The following DYNC1I1 variants were observed in gnomAD, a reference collection of about 807,000 sequenced individuals.
DYNC1I1 encodes cytoplasmic dynein 1 intermediate chain 1.
In DYNC1I1, 43 loss-of-function variants were observed where a neutral mutation model predicts 86.6. The observed-to-expected ratio is 0.50, with a 90% CI of 0.39 to 0.64. DYNC1I1 has a LOEUF of 0.64. DYNC1I1 is among the 30% of genes least tolerant of loss of function. The pLI is 0.00. For missense variants in DYNC1I1, 604 were observed against 788.8 expected (o/e 0.77, Z 2.81); for synonymous variants, 262 against 283.7 (o/e 0.92, Z 0.77).
At chr7:96,043,810 A>G (rs562516386) in intron 14 of DYNC1I1, among the ~76,000 whole-genome samples, 5 of 152,176 alleles carry the variant, frequency 3.3e-5, no homozygotes, top group Admixed American at 2.0e-4. Flanking sequence ...TTCCAGTTCA[A>G]GCAATTCTCC....
At chr7:95,869,848 C>A (rs999880172) in intron 5 of DYNC1I1, 35 bp from the exon 6 acceptor site, 1 of 1,575,506 alleles carries the variant, frequency 6.3e-7, no homozygotes, top group Non-Finnish European at 8.7e-7. Flanking sequence ...AGGAATGCCT[C>A]CCCTCTCTAA....
At chr7:95,989,683 A>G (rs972784209) in intron 9 of DYNC1I1, among the ~76,000 whole-genome samples, 5 of 152,112 alleles carry the variant, frequency 3.3e-5, no homozygotes, top group Non-Finnish European at 7.4e-5. Context: ...TTTGTGTTGG[A>G]GGAAGTGAAG....
chr7:95,933,645 C>T (rs1421900287), intron 6 of DYNC1I1, among the ~76,000 whole-genome samples: 1 of 152,144 alleles, frequency 6.6e-6, no homozygotes, highest in Admixed American at 6.5e-5. Flanking sequence ...TCATGATAGA[C>T]ACACCATTTG....
At chr7:95,924,115 A>T (rs547203697) in intron 6 of DYNC1I1, among the ~76,000 whole-genome samples, 1 of 152,276 alleles carries the variant, frequency 6.6e-6, no homozygotes, top group East Asian at 1.9e-4. Flanking sequence ...CACTGAATGG[A>T]TGATTTACAG....
At chr7:95,908,290 G>A (rs1791229095) in intron 6 of DYNC1I1, among the ~76,000 whole-genome samples, 1 of 152,042 alleles carries the variant, frequency 6.6e-6, no homozygotes, top group Non-Finnish European at 1.5e-5. Flanking sequence ...TTGCAAATGA[G>A]CTATTTTTCC....
intron 6 of DYNC1I1, among the ~76,000 whole-genome samples, chr7:95,882,412 A>G (rs1790478346): frequency 1.3e-5 from 2 of 152,158 alleles, no homozygotes; most frequent in African/African-American, 2.4e-5. Flanking sequence ...AAAGAGATGC[A>G]CCATATTTCT....
chr7:95,788,298 G>A (rs542868379), intron 1 of DYNC1I1, among the ~76,000 whole-genome samples: 10 of 152,264 alleles, frequency 6.6e-5, no homozygotes, highest in African/African-American at 2.2e-4. Flanking sequence ...CAGGGGAGGT[G>A]GTGAAAAGTG....
intron 5 of DYNC1I1, among the ~76,000 whole-genome samples, chr7:95,855,331 T>A (rs2116089902): frequency 6.6e-6 from 1 of 152,308 alleles, no homozygotes; most frequent in South Asian, 2.1e-4. Context: ...TCGAAATCCA[T>A]TATGTGTTAT....
At chr7:96,018,609 A>C (rs533217420) in intron 10 of DYNC1I1, among the ~76,000 whole-genome samples, 1 of 152,310 alleles carries the variant, frequency 6.6e-6, no homozygotes, top group South Asian at 2.1e-4. Flanking sequence ...TAGTGTCTAC[A>C]TGGAGAGTGA....
chr7:96,040,717 T>A (rs1055976491), intron 14 of DYNC1I1, among the ~76,000 whole-genome samples: 1 of 69,442 alleles, frequency 1.4e-5, no homozygotes, highest in Non-Finnish European at 2.9e-5. Flanking sequence ...AAATGAGTAG[T>A]TTTTTTTTTT....
At chr7:95,892,659 C>T (rs552904388) in intron 6 of DYNC1I1, among the ~76,000 whole-genome samples, 55 of 152,174 alleles carry the variant, frequency 3.6e-4, no homozygotes, top group African/African-American at 1.2e-3. Context: ...GTTGGCCAGG[C>T]TGATCTTGAA....
At chr7:96,032,267 C>A (rs927078128) in intron 11 of DYNC1I1, among the ~76,000 whole-genome samples, 1 of 152,136 alleles carries the variant, frequency 6.6e-6, no homozygotes, top group Non-Finnish European at 1.5e-5. Context: ...TTCCAAAAGT[C>A]AGTAGTTCTA....
At chr7:95,872,164 C>A (rs775849127) in intron 6 of DYNC1I1, among the ~76,000 whole-genome samples, 1 of 152,176 alleles carries the variant, frequency 6.6e-6, no homozygotes, top group East Asian at 1.9e-4. Context: ...GAGGTTCTAC[C>A]ATGCGGCAGA....
rs956946455 is a variant in DYNC1I1 at position 95,896,313 on chromosome 7, C to T, written c.490+26315C>T. Among the ~76,000 whole-genome samples, 7 of 152,236 alleles carry T rather than the reference C, an allele frequency of 4.6e-5. No homozygotes were observed. In the South Asian group the frequency reaches 1.5e-3, roughly 32 times the overall value. On this transcript the variant is annotated intron_variant, in intron 6 of 16. Transcript: ENST00000447467. ...TGGAGAAATGTGCCAAGCTTGAGAG[C>T]GTCCTAAACATCATGGCAAAATATG... is the stretch of plus-strand genomic sequence containing the variant.
intron 5 of DYNC1I1, among the ~76,000 whole-genome samples, chr7:95,860,983 T>A (rs75874278): frequency 2.0e-4 from 30 of 152,198 alleles, no homozygotes; most frequent in African/African-American, 7.0e-4. Flanking sequence ...CAATATAAAT[T>A]TTGGAGGAGA....
At chr7:96,080,307 G>T in intron 15 of DYNC1I1, 56 bp from the exon 16 acceptor site, 2 of 1,521,480 alleles carry the variant, frequency 1.3e-6, no homozygotes, top group Non-Finnish European at 1.8e-6. Flanking sequence ...TTGTAAATTT[G>T]TATATTTAAA....
chr7:95,890,678 A>T (rs892379834), intron 6 of DYNC1I1, among the ~76,000 whole-genome samples: 1 of 152,210 alleles, frequency 6.6e-6, no homozygotes, highest in East Asian at 1.9e-4. Context: ...AGGTTCTCAC[A>T]CTTCAGTGTG....
At chr7:96,078,592 A>C (rs1480748676) in intron 15 of DYNC1I1, among the ~76,000 whole-genome samples, 1 of 152,114 alleles carries the variant, frequency 6.6e-6, no homozygotes, top group Non-Finnish European at 1.5e-5. Flanking sequence ...AAATTCTTGA[A>C]AATGTATTAG....
intron 6 of DYNC1I1, among the ~76,000 whole-genome samples, chr7:95,974,157 T>C (rs1793244577): frequency 6.6e-6 from 1 of 152,182 alleles, no homozygotes; most frequent in African/African-American, 2.4e-5. Flanking sequence ...ATGCCTAATC[T>C]CTCTTTCCTA....
Sources: gnomAD v4.1 joint callset for allele counts (sites outside exome capture counted in the v4.1 genomes callset) on GRCh38, gnomAD v4.1.1 for gene constraint, MANE v1.5 for transcripts, NCBI Gene and HGNC (gene_info 2026-07-23, HGNC 2026-07-21) for gene names.